CHODL: variants seen among roughly 807,000 people sequenced by gnomAD.
The protein encoded by CHODL is chondrolectin.
CHODL carries 29 observed loss-of-function variants against 34.5 expected under a neutral mutation model. That is an observed-to-expected ratio of 0.84 (90% CI 0.63 to 1.15). The LOEUF (loss-of-function observed/expected upper bound fraction) is 1.15. CHODL is among the 50% of genes most tolerant of loss of function. The probability of loss-of-function intolerance (pLI) is 0.00; values close to 1 mark genes in which losing one functional copy is unlikely to be tolerated. For synonymous variants in CHODL, 125 were observed against 116.1 expected (o/e 1.08, Z -0.49); for missense variants, 332 against 332.5 (o/e 1.00, Z 0.01).
At position 18,097,474 on chromosome 21, in the gene CHODL, A is replaced by G. The variant is rs971483403; in HGVS notation, c.-45+69503A>G. Among the ~76,000 whole-genome samples the G allele has an allele frequency of 2.1e-4, 32 of 152,294 alleles. No homozygotes were observed. The East Asian group carries it at 2.5e-3, about 12-fold the overall frequency. Reference sequence around the variant, plus strand: ...AAATAAAAAGGTAATCCCATTTACAATAGCCACAAATAAAATTAAATACCT... The same window carrying G: ...AAATAAAAAGGTAATCCCATTTACAGTAGCCACAAATAAAATTAAATACCT... On this transcript the variant is annotated intron_variant, in intron 2 of 6. Transcript: ENST00000400127.
chr21:18,097,733 G>A (rs2065157035), intron 2 of CHODL, among the ~76,000 whole-genome samples: 1 of 151,960 alleles, frequency 6.6e-6, no homozygotes, highest in Non-Finnish European at 1.5e-5. Context: ...AAATTTATAT[G>A]GAATCACAAA....
intron 2 of CHODL, among the ~76,000 whole-genome samples, chr21:18,231,377 G>A (rs1369207720): frequency 6.6e-6 from 1 of 152,040 alleles, no homozygotes; most frequent in African/African-American, 2.4e-5. Context: ...CAGCCACTGT[G>A]CGTGTGCTAT....
chr21:18,189,780 G>A (rs1410116729), intron 2 of CHODL, among the ~76,000 whole-genome samples: 1 of 151,856 alleles, frequency 6.6e-6, no homozygotes, highest in Non-Finnish European at 1.5e-5. Flanking sequence ...GATTACAGGT[G>A]CATGCCACCA....
intron 2 of CHODL, among the ~76,000 whole-genome samples, chr21:18,160,122 A>G (rs1392737590): frequency 6.6e-6 from 1 of 152,192 alleles, no homozygotes; most frequent in South Asian, 2.1e-4. Flanking sequence ...TAATCCTTTC[A>G]ACAATCTTAG....
chr21:18,167,116 A>T (rs2073163308), intron 2 of CHODL, among the ~76,000 whole-genome samples: 1 of 151,722 alleles, frequency 6.6e-6, no homozygotes, highest in Non-Finnish European at 1.5e-5. Flanking sequence ...CAGATTTTTA[A>T]ATATAGTTGT....
At chr21:17,937,340 G>A (rs946129981) in intron 1 of CHODL, among the ~76,000 whole-genome samples, 13 of 152,202 alleles carry the variant, frequency 8.5e-5, no homozygotes, top group Middle Eastern at 3.4e-3. Context: ...CAGAGGGCCC[G>A]TTTGAAGTTA....
intron 5 of CHODL, among the ~76,000 whole-genome samples, chr21:18,265,660 C>T (rs1486417039): frequency 1.3e-5 from 2 of 152,090 alleles, no homozygotes; most frequent in East Asian, 3.9e-4. Context: ...CCCGTTCCCC[C>T]ATAACCTATG....
chr21:18,233,987 CAATG>C (rs2074005882), intron 2 of CHODL, among the ~76,000 whole-genome samples: 1 of 151,968 alleles, frequency 6.6e-6, no homozygotes, highest in African/African-American at 2.4e-5. Flanking sequence ...ATTATTCACA[CAATG>C]AATCAATAGA....
intron 1 of CHODL, among the ~76,000 whole-genome samples, chr21:17,954,018 T>TAAA (rs2063479066): frequency 5.3e-5 from 8 of 151,580 alleles, no homozygotes; most frequent in African/African-American, 1.9e-4. Context: ...CAAAAAAAAT[T>TAAA]TTTTTAAATA....
chr21:17,975,688 A>G lies in CHODL; in HGVS notation c.-144-52184A>G, dbSNP rs948424573. Among the ~76,000 whole-genome samples the G allele has an allele frequency of 3.9e-5, 6 of 152,106 alleles. No homozygotes were observed. In the South Asian group the frequency reaches 8.3e-4, roughly 21 times the overall value. The stretch of plus-strand genomic sequence containing the variant: ...ATTCCTTCTGTACTATTTACTGGAA[A>G]ACTCCCCTTCCTTCAAGGACTGCTG... On this transcript the variant is annotated intron_variant, in intron 1 of 6. Transcript: ENST00000400127.
At chr21:18,093,607 TTTA>T (rs2065101033) in intron 2 of CHODL, among the ~76,000 whole-genome samples, 1 of 152,088 alleles carries the variant, frequency 6.6e-6, no homozygotes. Context: ...AAGTTAGAGT[TTTA>T]TTAGTTTTCT....
chr21:18,093,113 A>G (rs1331070833), intron 2 of CHODL, among the ~76,000 whole-genome samples: 1 of 152,196 alleles, frequency 6.6e-6, no homozygotes, highest in African/African-American at 2.4e-5. Context: ...ATAACATACA[A>G]TGGTGCTTCA....
Position 17,978,651 on chromosome 21 carries a change from G to C in CHODL, c.-144-49221G>C, listed in dbSNP as rs189256863. Among the ~76,000 whole-genome samples, 42 of 151,672 alleles carry C rather than the reference G, an allele frequency of 2.8e-4. No homozygotes were observed. In the East Asian group the frequency reaches 7.2e-3, roughly 26 times the overall value. On this transcript the variant is annotated intron_variant, in intron 1 of 6. Transcript: ENST00000400127. ...GAGAATGGCGTGAACCCAGAAGGCG[G>C]AGCTTGCAGTGAGCCGAGATCATGC...
chr21:18,094,120 CA>C (rs1444115481), intron 2 of CHODL, among the ~76,000 whole-genome samples: 2 of 151,986 alleles, frequency 1.3e-5, no homozygotes, highest in Middle Eastern at 3.4e-3. Flanking sequence ...TAAGAAGAGA[CA>C]AAAAAGGTCA....
intron 2 of CHODL, among the ~76,000 whole-genome samples, chr21:18,212,486 A>G (rs2073783935): frequency 6.6e-6 from 1 of 152,102 alleles, no homozygotes; most frequent in Middle Eastern, 3.2e-3. Flanking sequence ...ACAAACATGC[A>G]TTTACAATTT....
intron 1 of CHODL, among the ~76,000 whole-genome samples, chr21:18,024,941 C>T (rs888040597): frequency 1.3e-5 from 2 of 152,132 alleles, no homozygotes; most frequent in African/African-American, 2.4e-5. Context: ...TAATTAATGT[C>T]GAGCAATCAC....
At chr21:18,237,039 G>C (rs773949676) in intron 2 of CHODL, among the ~76,000 whole-genome samples, 2 of 152,166 alleles carry the variant, frequency 1.3e-5, no homozygotes, top group Middle Eastern at 3.4e-3. Flanking sequence ...ATATGCTGTG[G>C]TTTTAAAAAA....
Position 17,986,389 on chromosome 21 carries a change from C to T in CHODL, c.-144-41483C>T, listed in dbSNP as rs558278880. Among the ~76,000 whole-genome samples, 95 of 152,058 alleles carry T rather than the reference C, an allele frequency of 6.2e-4. 1 individual carries two copies. The highest frequency in any genetic ancestry group is 1.2e-3 in the Non-Finnish European group (81 of 68,028). The stretch of plus-strand genomic sequence containing the variant: ...TCCATGTGTTCTCATTGTTCAACTC[C>T]CACTTATGAGTGAGAACATGAGGTG... On this transcript the variant is annotated intron_variant, in intron 1 of 6. Transcript: ENST00000400127.
intron 3 of CHODL, among the ~76,000 whole-genome samples, chr21:18,259,510 C>A (rs68183427): frequency 2.0e-5 from 3 of 151,940 alleles, no homozygotes. Flanking sequence ...TGCACATGTA[C>A]CCCTGAACTT....
Sources: gnomAD v4.1 joint callset for allele counts (sites outside exome capture counted in the v4.1 genomes callset) on GRCh38, gnomAD v4.1.1 for gene constraint, MANE v1.5 for transcripts, NCBI Gene and HGNC (gene_info 2026-07-23, HGNC 2026-07-21) for gene names.